CADPS2: variants seen among roughly 807,000 people sequenced by gnomAD.
CADPS2 encodes calcium-dependent secretion activator 2.
CADPS2 carries 93 observed loss-of-function variants against 172.5 expected under a neutral mutation model. The ratio of observed to expected loss-of-function variants is 0.54; its 90% CI spans 0.46 to 0.64. CADPS2 has a LOEUF of 0.64. Ranked by LOEUF, CADPS2 falls within the 30% of genes least tolerant of loss-of-function variation. CADPS2 has a pLI of 0.00. For missense variants in CADPS2, 1,420 were observed against 1,565.9 expected (o/e 0.91, Z 1.57); for synonymous variants, 546 against 555.2 (o/e 0.98, Z 0.23).
At chr7:122,608,949 AAGCTG>A (rs2073948374) in intron 6 of CADPS2, among the ~76,000 whole-genome samples, 2 of 152,120 alleles carry the variant, frequency 1.3e-5, no homozygotes, top group Non-Finnish European at 1.5e-5. Context: ...GCACTTTGGG[AAGCTG>A]AGGTGGGAGG....
chr7:122,483,490 G>T (rs2057501549), intron 11 of CADPS2, among the ~76,000 whole-genome samples: 1 of 152,036 alleles, frequency 6.6e-6, no homozygotes, highest in African/African-American at 2.4e-5. Flanking sequence ...TCCAAGAAGT[G>T]AAAATATCTA....
chr7:122,874,960 A>T (rs1216110204), intron 1 of CADPS2, among the ~76,000 whole-genome samples: 2 of 152,332 alleles, frequency 1.3e-5, no homozygotes, highest in Middle Eastern at 3.4e-3. Flanking sequence ...AAACTTCTTT[A>T]AAAAAGAAAC....
chr7:122,680,804 A>T (rs1246643032), intron 2 of CADPS2, among the ~76,000 whole-genome samples: 1 of 152,166 alleles, frequency 6.6e-6, no homozygotes, highest in Non-Finnish European at 1.5e-5. Context: ...ACTATAAATC[A>T]TGCTTCTATA....
At chr7:122,633,099 C>G (rs1199262826) in intron 3 of CADPS2, among the ~76,000 whole-genome samples, 2 of 152,058 alleles carry the variant, frequency 1.3e-5, no homozygotes, top group Non-Finnish European at 2.9e-5. Flanking sequence ...GTTACTTTAG[C>G]CTTATAGTAT....
chr7:122,434,664 C>T (rs116529348), intron 17 of CADPS2, among the ~76,000 whole-genome samples: 2,815 of 151,954 alleles, frequency 0.019, 81 homozygotes, highest in African/African-American at 0.064. Flanking sequence ...AACAGGCACA[C>T]GTAGTTAAAT....
chr7:122,746,890 C>T (rs2092740072), intron 1 of CADPS2, among the ~76,000 whole-genome samples: 1 of 152,104 alleles, frequency 6.6e-6, no homozygotes, highest in East Asian at 1.9e-4. Context: ...TAATAAGTAA[C>T]TAAGAGAGAA....
rs191544700 is a variant in CADPS2 at position 122,837,532 on chromosome 7, C to T, written c.339+48467G>A. Among the ~76,000 whole-genome samples the T allele has an allele frequency of 3.5e-3, 529 of 152,022 alleles. 1 individual carries two copies. Among genetic ancestry groups the T allele is most frequent in the Non-Finnish European group, 5.8e-3 (392 of 67,994 alleles). On this transcript the variant is annotated intron_variant, in intron 1 of 29. Coordinates refer to ENST00000449022, the MANE Select transcript of CADPS2 (RefSeq NM_017954.11). ...ATCAACAAAATTGATAGACCACTAG[C>T]AAGACTAATAAAGAAGAAAAGAGAG...
At chr7:122,785,611 G>A (rs1271714223) in intron 1 of CADPS2, among the ~76,000 whole-genome samples, 1 of 152,006 alleles carries the variant, frequency 6.6e-6, no homozygotes, top group Non-Finnish European at 1.5e-5. Flanking sequence ...TTTGCTCTCA[G>A]GTCTCCCTGC....
rs180719719 is a variant in CADPS2, at chr7:122,659,910, T to G, written c.786+3327A>C. On this transcript the variant is annotated intron_variant, in intron 3 of 29. Coordinates refer to ENST00000449022, the MANE Select transcript of CADPS2 (RefSeq NM_017954.11). The stretch of plus-strand genomic sequence containing the variant: ...ACAGATAATTCTATATCCAGTGAAA[T>G]TATACTTTAAATGCAAAGAAGAAAC... Among the ~76,000 whole-genome samples the G allele has an allele frequency of 1.9e-4, 29 of 152,166 alleles. 1 individual carries two copies. Among genetic ancestry groups the G allele is most frequent in the African/African-American group, 6.7e-4 (28 of 41,532 alleles).
chr7:122,727,569 T>A (rs1306412185), intron 2 of CADPS2, among the ~76,000 whole-genome samples: 1 of 151,696 alleles, frequency 6.6e-6, no homozygotes, highest in Non-Finnish European at 1.5e-5. Context: ...AAATTGACAC[T>A]CTCAGTTTCA....
At chr7:122,555,647 T>C (rs1045935405) in intron 7 of CADPS2, among the ~76,000 whole-genome samples, 9 of 152,110 alleles carry the variant, frequency 5.9e-5, no homozygotes, top group African/African-American at 1.9e-4. Flanking sequence ...ACATATCTTC[T>C]TGTGCATAAA....
chr7:122,681,199 A>G, intron 2 of CADPS2: 1 of 617,410 alleles, frequency 1.6e-6, no homozygotes, highest in Non-Finnish European at 2.9e-6. Flanking sequence ...TAGTGGGTGC[A>G]GTGCACCAGC....
chr7:122,836,697 G>C (rs532205750), intron 1 of CADPS2, among the ~76,000 whole-genome samples: 1 of 152,134 alleles, frequency 6.6e-6, no homozygotes, highest in Non-Finnish European at 1.5e-5. Flanking sequence ...TTACATAATG[G>C]TAAAGGGATC....
intron 9 of CADPS2, among the ~76,000 whole-genome samples, chr7:122,507,672 C>T (rs1219868110): frequency 2.0e-5 from 3 of 152,138 alleles, no homozygotes; most frequent in Non-Finnish European, 2.9e-5. Flanking sequence ...GTGAGTTATG[C>T]TTTAAATAGA....
intron 8 of CADPS2, among the ~76,000 whole-genome samples, chr7:122,530,451 C>T (rs2061662400): frequency 6.6e-6 from 1 of 151,714 alleles, no homozygotes; most frequent in South Asian, 2.1e-4. Context: ...GTATACTCTA[C>T]TAATGTTGTT....
intron 1 of CADPS2, among the ~76,000 whole-genome samples, chr7:122,846,735 A>G (rs1812086920): frequency 6.6e-6 from 1 of 152,196 alleles, no homozygotes; most frequent in Non-Finnish European, 1.5e-5. Flanking sequence ...ACAAAACACA[A>G]AAGTACTAAA....
At chr7:122,764,155 T>C (rs2093474603) in intron 1 of CADPS2, among the ~76,000 whole-genome samples, 1 of 152,118 alleles carries the variant, frequency 6.6e-6, no homozygotes, top group Non-Finnish European at 1.5e-5. Flanking sequence ...CAGCTTCTTC[T>C]GACTCAGCTT....
chr7:122,648,989 A>C (rs1208758095), intron 3 of CADPS2, among the ~76,000 whole-genome samples: 1 of 152,068 alleles, frequency 6.6e-6, no homozygotes, highest in Non-Finnish European at 1.5e-5. Context: ...GGCTACCTGC[A>C]ATTCATTCTT....
intron 3 of CADPS2, among the ~76,000 whole-genome samples, chr7:122,638,585 G>C (rs1860855): frequency 2.6e-5 from 4 of 152,032 alleles, no homozygotes; most frequent in African/African-American, 9.7e-5. Flanking sequence ...CCAGGGCCTG[G>C]GGGGGTCCCC....
Sources: gnomAD v4.1 joint callset for allele counts (sites outside exome capture counted in the v4.1 genomes callset) on GRCh38, gnomAD v4.1.1 for gene constraint, MANE v1.5 for transcripts, NCBI Gene and HGNC (gene_info 2026-07-23, HGNC 2026-07-21) for gene names.